MYB: variants seen among roughly 807,000 people sequenced by gnomAD.
MYB encodes transcriptional activator Myb.
In MYB, 28 loss-of-function variants were observed where a neutral mutation model predicts 92.9. The observed-to-expected ratio is 0.30, with a 90% confidence interval of 0.22 to 0.41. MYB has a LOEUF of 0.41. MYB is among the 10% of genes least tolerant of loss of function. MYB has a pLI of 1.00. For missense variants in MYB, 679 were observed against 929.3 expected (o/e 0.73, Z 3.50); for synonymous variants, 295 against 329.1 (o/e 0.90, Z 1.12).
rs1391566299 is a variant in MYB at position 135,198,935 on chromosome 6, A to G, written c.1594A>G (p.Asn532Asp). 1 of 1,610,644 alleles carries G rather than the reference A, an allele frequency of 6.2e-7. No homozygotes were observed. Among genetic ancestry groups the G allele is most frequent in the Non-Finnish European group, 8.5e-7 (1 of 1,177,144 alleles). The change falls in exon 11 of 16, where the codon AAC (asparagine) becomes GAC (aspartate). Residue 532 changes from asparagine to aspartate, a missense_variant. Physicochemically the swap from Asn to Asp is conservative, Grantham distance 23 (BLOSUM62 1). Around this residue, in one of 8 missense-constraint regions of MYB, gnomAD observed 402 missense variants for 434.2 expected, o/e 0.93. Transcript: ENST00000341911. ...CTTAAACACTTCCAGTAACCATGAA[A>G]ACTCAGACTTGGAAATGCCTTCTTT... ...QFLNTSSNHE[N>D]SDLEMPSLTS...
At position 135,217,859 on chromosome 6, in the gene MYB, A is replaced by G. The variant is rs771337709; in HGVS notation, c.2170-5A>G. ...CGCTCCTGTTGCCATCCCTTTCTCC[A>G]TCAGCCTTGTAGCAGTACCTGGGAA... On this transcript the variant is annotated splice_region_variant and splice_polypyrimidine_tract_variant and intron_variant, in intron 15 of 15. Transcript: ENST00000341911. The G allele has an allele frequency of 8.8e-6, 14 of 1,592,390 alleles. No individual in the cohort carries two copies. The Admixed American group carries it at 2.3e-4, about 27-fold the overall frequency.
intron 1 of MYB, among the ~76,000 whole-genome samples, chr6:135,184,322 C>CTTTTTTTT: frequency 8.6e-4 from 59 of 68,400 alleles, no homozygotes; most frequent in Middle Eastern, 0.01. Flanking sequence ...GGCTTTATAG[C>CTTTTTTTT]TTTTTTTTTT....
At chr6:135,199,989 A>G (rs1777837624) in intron 11 of MYB, 96 bp from the exon 12 acceptor site, 3 of 943,516 alleles carry the variant, frequency 3.2e-6, no homozygotes, top group Admixed American at 4.0e-5. Flanking sequence ...AACAGAGTTT[A>G]TTGTATTCAG....
intron 15 of MYB, among the ~76,000 whole-genome samples, chr6:135,208,061 A>ATTTTTTAATTTTTTTTTTAATTTT (rs1224532312): frequency 7.5e-6 from 1 of 133,472 alleles, no homozygotes; most frequent in Non-Finnish European, 1.6e-5. Flanking sequence ...TTTTATTTTT[A>ATTTTTTAATTTTTTTTTTAATTTT]TTTTTTAATT....
intron 15 of MYB, among the ~76,000 whole-genome samples, chr6:135,206,951 A>G (rs917580543): frequency 6.6e-6 from 1 of 152,168 alleles, no homozygotes; most frequent in Non-Finnish European, 1.5e-5. Context: ...AGTGACTCTA[A>G]ATATTTAAAC....
intron 9 of MYB, among the ~76,000 whole-genome samples, chr6:135,196,405 T>A (rs981525233): frequency 6.6e-6 from 1 of 152,216 alleles, no homozygotes; most frequent in African/African-American, 2.4e-5. Context: ...GAATTTTGTC[T>A]TGCTTTTGAA....
chr6:135,200,698 T>G, intron 13 of MYB: 1 of 407,732 alleles, frequency 2.5e-6, no homozygotes, highest in South Asian at 2.3e-5. Flanking sequence ...TTTTAAACAT[T>G]ACTGATTATA....
chr6:135,188,435 G>A (rs1178355973), intron 3 of MYB, among the ~76,000 whole-genome samples: 1 of 151,390 alleles, frequency 6.6e-6, no homozygotes, highest in Non-Finnish European at 1.5e-5. Flanking sequence ...CCTCTCATTT[G>A]GACTATCATA....
At chr6:135,201,209 TA>T (rs1300877565) in intron 13 of MYB, among the ~76,000 whole-genome samples, 1 of 119,876 alleles carries the variant, frequency 8.3e-6, no homozygotes, top group Non-Finnish European at 1.7e-5. Flanking sequence ...TAAAGATAAG[TA>T]TTTTTTTTTA....
Position 135,181,355 on chromosome 6 carries a change from CG to C in MYB, c.-158del. On this transcript the variant is annotated 5_prime_UTR_variant, in exon 1 of 16. Coordinates refer to ENST00000341911, the MANE Select transcript of MYB (RefSeq NM_001130173.2). This position sits in a 1 kb window ranked among gnomAD's most constrained non-coding sequence, Gnocchi z 5.3. Reference sequence around the variant, plus strand: ...CCTCCTCCTCCTTCTCCTCCTCCTCCGTGACCTCCTCCTCCTCTTTCTCCTG... The same window carrying C: ...CCTCCTCCTCCTTCTCCTCCTCCTCCTGACCTCCTCCTCCTCTTTCTCCTG... 1 of 250,696 alleles carries C rather than the reference CG, an allele frequency of 4.0e-6. No homozygotes were observed. Among genetic ancestry groups the C allele is most frequent in the Non-Finnish European group, 6.9e-6 (1 of 144,850 alleles). 15.5% of individuals were successfully genotyped at this position (250,696 alleles called of 1,614,324 possible). A position where few individuals can be genotyped will look rare whatever the true frequency, so the allele number is the denominator to read the frequency against.
chr6:135,200,162 C>A lies in MYB; in HGVS notation c.1787C>A (p.Ala596Glu). Residue 596 changes from alanine to glutamate, a missense_variant, in exon 12 of 16, where the codon GCA becomes GAA. By Grantham distance (107) the Ala-to-Glu change is moderately radical. This residue lies in a region of MYB where 402 missense variants were observed against 434.2 expected (regional missense o/e 0.93). Coordinates refer to ENST00000341911, the MANE Select transcript of MYB (RefSeq NM_001130173.2). ...RTPTPFKHAL[A>E]AQEIKYGPLK... ...CCTACACCATTCAAACATGCACTTG[C>A]AGCTCAAGAAATTAAATACGGTCCC... 2.5e-6 allele frequency: 4 copies of A among 1,614,168 alleles called. No individual in the cohort carries two copies. Among genetic ancestry groups the A allele is most frequent in the Non-Finnish European group, 3.4e-6 (4 of 1,180,024 alleles).
rs1780719214 is a variant in MYB at position 135,218,419 on chromosome 6, T to G, written c.*439T>G. The G allele has an allele frequency of 4.6e-6, 1 of 216,446 alleles. No individual in the cohort carries two copies. The highest frequency in any genetic ancestry group is 1.2e-4 in the South Asian group (1 of 8,168). 13.4% of individuals were successfully genotyped at this position (216,446 alleles called of 1,614,324 possible). ...TTTTAAAAATCAGTAAAAGCATTAC[T>G]CTAAGTGTAGACTTAATACCATGTG... On this transcript the variant is annotated 3_prime_UTR_variant, in exon 16 of 16. Transcript: ENST00000341911.
In MYB at chr6:135,201,741, G is replaced by T. The variant is rs1020865987; in HGVS notation, c.2053G>T (p.Asp685Tyr). Residue 685 changes from aspartate to tyrosine, a missense_variant, in exon 14 of 16, where the codon GAT becomes TAT. Around this residue, in one of 8 missense-constraint regions of MYB, gnomAD observed 402 missense variants for 434.2 expected, o/e 0.93. Transcript: ENST00000341911. ...QLFTQTSPVA[D>Y]APNILTSSVL... ...GTTCACGCAGACCTCGCCTGTGGCA[G>T]ATGCACCGGTAAGTACGTGTGCACC... 2 of 1,489,002 alleles carry T rather than the reference G, an allele frequency of 1.3e-6. No homozygotes were observed. The highest frequency in any genetic ancestry group is 9.0e-7 in the Non-Finnish European group (1 of 1,107,706). 92.2% of individuals were successfully genotyped at this position (1,489,002 alleles called of 1,614,324 possible).
chr6:135,193,631 A>G (rs1263448616), intron 6 of MYB, among the ~76,000 whole-genome samples: 1 of 152,104 alleles, frequency 6.6e-6, no homozygotes, highest in Non-Finnish European at 1.5e-5. Context: ...CCTCCCAAGG[A>G]TTTTTCACCA....
At position 135,198,898 on chromosome 6, in the gene MYB, C is replaced by T. The variant is rs770545556; in HGVS notation, c.1567-10C>T. On this transcript the variant is annotated splice_polypyrimidine_tract_variant and intron_variant, in intron 10 of 15. Coordinates refer to ENST00000341911, the MANE Select transcript of MYB (RefSeq NM_001130173.2). ...TAATCTAAGTATTTTTTCTTTCTCTCCATATTTAGTTCTTAAACACTTCCA... is the reference window on the plus strand; with the variant it reads ...TAATCTAAGTATTTTTTCTTTCTCTTCATATTTAGTTCTTAAACACTTCCA... 5.0e-6 allele frequency: 8 copies of T among 1,587,308 alleles called. No homozygotes were observed. The Admixed American group carries it at 1.2e-4, about 24-fold the overall frequency.
rs75739045 is a variant in MYB at position 135,216,421 on chromosome 6, G to T, written c.2170-1443G>T. Among the ~76,000 whole-genome samples the T allele has an allele frequency of 5.3e-5, 8 of 152,210 alleles. 1 individual carries two copies. In the South Asian group the frequency reaches 1.5e-3, roughly 28 times the overall value. On this transcript the variant is annotated intron_variant, in intron 15 of 15. Coordinates refer to ENST00000341911, the MANE Select transcript of MYB (RefSeq NM_001130173.2). ...AGTCGAGGCTGTGAGTGTATTTATC[G>T]TTGGAATAATGTACATTGTACCCGT...
chr6:135,186,878 A>G (rs1775986876), intron 2 of MYB, among the ~76,000 whole-genome samples: 1 of 152,216 alleles, frequency 6.6e-6, no homozygotes. Context: ...TGTTACAATA[A>G]ATGGTATTGG....
At chr6:135,216,582 TA>T (rs1289922301) in intron 15 of MYB, among the ~76,000 whole-genome samples, 3 of 152,200 alleles carry the variant, frequency 2.0e-5, no homozygotes, top group African/African-American at 4.8e-5. Context: ...ACACAGCAAT[TA>T]TTTTTTTCTG....
At chr6:135,186,972 AGG>A (rs1776000278) in intron 2 of MYB, among the ~76,000 whole-genome samples, 1 of 152,210 alleles carries the variant, frequency 6.6e-6, no homozygotes, top group South Asian at 2.1e-4. Flanking sequence ...AGAGGCCCAT[AGG>A]AAATTCATAT....
Sources: gnomAD v4.1 joint callset for allele counts (sites outside exome capture counted in the v4.1 genomes callset) on GRCh38, gnomAD v4.1.1 for gene constraint, gnomAD v4.1.1 regional missense constraint, Gnocchi (gnomAD v3.1) non-coding constraint, MANE v1.5 for transcripts, NCBI Gene and HGNC (gene_info 2026-07-23, HGNC 2026-07-21) for gene names.